PCDHGA10: variants seen among roughly 807,000 people sequenced by gnomAD.
The protein encoded by PCDHGA10 is protocadherin gamma-A10.
A neutral mutation model predicts 59.5 loss-of-function variants in PCDHGA10; 42 were observed. The ratio of observed to expected loss-of-function variants is 0.71; its 90% CI spans 0.55 to 0.91. The LOEUF (loss-of-function observed/expected upper bound fraction) is 0.91. Among genes scored for constraint, PCDHGA10 ranks in the 40% least tolerant of loss-of-function variants. The probability of loss-of-function intolerance (pLI) is 0.00; values close to 1 mark genes in which losing one functional copy is unlikely to be tolerated. For missense variants in PCDHGA10, 1,111 were observed against 1,198.2 expected, an observed-to-expected ratio of 0.93 and a Z score of 1.07; for synonymous variants, 511 against 517.2, an observed-to-expected ratio of 0.99 and a Z score of 0.16.
chr5:141,487,783 G>T lies in PCDHGA10; in HGVS notation c.2437-7024G>T. The T allele has an allele frequency of 6.6e-7, 1 of 1,522,846 alleles. No homozygotes were observed. The allele number at this position is 1,522,846 out of a possible 1,614,324, so 94.3% of individuals were successfully genotyped here. ...ACGCTGTGCTTTGTAACTGTTTCGT[G>T]AATTAACCAGAGTTGTCACAGTTTA... is the stretch of plus-strand genomic sequence containing the variant. On this transcript the variant is annotated intron_variant, in intron 1 of 3. Transcript: ENST00000398610. The surrounding 1 kb of genome is among the most constrained non-coding windows in gnomAD (Gnocchi z 5.0).
At chr5:141,419,051 T>A (rs1007349455) in intron 1 of PCDHGA10, 6 of 1,613,950 alleles carry the variant, frequency 3.7e-6, no homozygotes, top group East Asian at 2.2e-5. Context: ...TCATTCTTCT[T>A]CTAATAATTA....
At chr5:141,503,675 T>C (rs1233495836) in intron 2 of PCDHGA10, among the ~76,000 whole-genome samples, 1 of 152,104 alleles carries the variant, frequency 6.6e-6, no homozygotes. Flanking sequence ...CTTCCCACTT[T>C]TGGGAAGGAG....
In PCDHGA10 at chr5:141,487,218, C is replaced by T; in HGVS notation, c.2437-7589C>T. The T allele has an allele frequency of 6.2e-7, 1 of 1,613,938 alleles. No individual in the cohort carries two copies. The highest frequency in any genetic ancestry group is 1.3e-5 in the African/African-American group (1 of 75,024). On this transcript the variant is annotated intron_variant, in intron 1 of 3. Coordinates refer to ENST00000398610, the MANE Select transcript of PCDHGA10 (RefSeq NM_018913.3). The surrounding 1 kb of genome is among the most constrained non-coding windows in gnomAD (Gnocchi z 5.0). ...CCAGATCTTCGAGAATCTTCAGCTCCAAGGGAAGGAGAATCTCGTCTAACC... is the reference window on the plus strand; with the variant it reads ...CCAGATCTTCGAGAATCTTCAGCTCTAAGGGAAGGAGAATCTCGTCTAACC...
At position 141,511,373 on chromosome 5, in the gene PCDHGA10, G is replaced by C. The variant is rs1361376059; in HGVS notation, c.*200G>C. 16 of 1,251,214 alleles carry C rather than the reference G, an allele frequency of 1.3e-5. No homozygotes were observed. Among genetic ancestry groups the C allele is most frequent in the Non-Finnish European group, 1.4e-5 (13 of 925,282 alleles). The allele number at this position is 1,251,214 out of a possible 1,614,324, so 77.5% of individuals were successfully genotyped here. A position where few individuals can be genotyped will look rare whatever the true frequency, so the allele number is the denominator to read the frequency against. ...CCCCCAGGGGGTTGAATATGCAAAAGCAGTTCCGCTGGGAACCCCCATCCA... is the reference window on the plus strand; with the variant it reads ...CCCCCAGGGGGTTGAATATGCAAAACCAGTTCCGCTGGGAACCCCCATCCA... On this transcript the variant is annotated 3_prime_UTR_variant, in exon 4 of 4. Transcript: ENST00000398610.
chr5:141,415,651 A>C, intron 1 of PCDHGA10, 40 bp downstream of exon 1: 1 of 1,595,106 alleles, frequency 6.3e-7, no homozygotes. Context: ...TAAAAAAAAA[A>C]AGATTGGTTT....
chr5:141,451,001 A>G (rs909477017), intron 1 of PCDHGA10, among the ~76,000 whole-genome samples: 1 of 148,266 alleles, frequency 6.7e-6, no homozygotes, highest in African/African-American at 2.5e-5. Context: ...ATTTTTTTGT[A>G]TTTTTTTTAG....
rs1000330093 is a variant in PCDHGA10 at position 141,511,812 on chromosome 5, C to T, written c.*639C>T. 2.5e-5 allele frequency: 4 copies of T among 157,260 alleles called. No individual in the cohort carries two copies. Among genetic ancestry groups the T allele is most frequent in the African/African-American group, 9.6e-5 (4 of 41,492 alleles). The allele number at this position is 157,260 out of a possible 1,614,324, so 9.7% of individuals were successfully genotyped here. The stretch of plus-strand genomic sequence containing the variant: ...TAGGGAGGGCATTTTGCTACCAAGC[C>T]TCTTCCCAACGCCCTGGGGACCAGT... On this transcript the variant is annotated 3_prime_UTR_variant, in exon 4 of 4. Transcript: ENST00000398610.
chr5:141,432,133 C>G lies in PCDHGA10; in HGVS notation c.2436+16522C>G. ...CGGTCTTCCCTCAGGCCTCCTATTC[C>G]GCTTATATCCCAGAGAACAATCCCA... On this transcript the variant is annotated intron_variant, in intron 1 of 3. Transcript: ENST00000398610. The surrounding 1 kb of genome is among the most constrained non-coding windows in gnomAD (Gnocchi z 6.0). 1 of 1,614,142 alleles carries G rather than the reference C, an allele frequency of 6.2e-7. No homozygotes were observed. The highest frequency in any genetic ancestry group is 1.1e-5 in the South Asian group (1 of 91,070).
chr5:141,478,382 C>A (rs1287807889), intron 1 of PCDHGA10: 2 of 1,613,552 alleles, frequency 1.2e-6, no homozygotes, highest in South Asian at 2.2e-5. Flanking sequence ...GTCGCCGCAC[C>A]TTTACCATCA....
rs866878519 is a variant in PCDHGA10, at chr5:141,486,035, C to A, written c.2437-8772C>A. ...TTATTTCAGTGGTCATACCCCTGAT[C>A]GTGTAAGAAACCTCTTTAGCCTGCA... is the stretch of plus-strand genomic sequence containing the variant. On this transcript the variant is annotated intron_variant, in intron 1 of 3. Coordinates refer to ENST00000398610, the MANE Select transcript of PCDHGA10 (RefSeq NM_018913.3). This position sits in a 1 kb window ranked among gnomAD's most constrained non-coding sequence, Gnocchi z 5.0. The A allele has an allele frequency of 1.9e-6, 3 of 1,614,100 alleles. No homozygotes were observed. The East Asian group carries it at 6.7e-5, about 36-fold the overall frequency.
intron 1 of PCDHGA10, among the ~76,000 whole-genome samples, chr5:141,434,225 G>A (rs1591320318): frequency 6.6e-6 from 1 of 152,146 alleles, no homozygotes; most frequent in African/African-American, 2.4e-5. Flanking sequence ...AACAAAGTAC[G>A]ATTTCTGGAC....
chr5:141,413,385 A>C lies in PCDHGA10; in HGVS notation c.210A>C (p.Ile70=). 1 of 1,613,990 alleles carries C rather than the reference A, an allele frequency of 6.2e-7. No homozygotes were observed. The highest frequency in any genetic ancestry group is 1.1e-5 in the South Asian group (1 of 91,090). The change falls in exon 1 of 4, where the codon ATA becomes ATC. Residue 70 remains isoleucine (I), a synonymous_variant. Coordinates refer to ENST00000398610, the MANE Select transcript of PCDHGA10 (RefSeq NM_018913.3). ...PRELAERGVR[I]VSRGRTQLFS... ...AGCTGGCGGAGCGCGGAGTCCGCAT[A>C]GTCTCCAGAGGTAGGACGCAGCTTT...
At chr5:141,467,055 CTT>C (rs1193465269) in intron 1 of PCDHGA10, among the ~76,000 whole-genome samples, 47 of 134,388 alleles carry the variant, frequency 3.5e-4, no homozygotes, top group Admixed American at 6.0e-4. Context: ...TCAATGTTTT[CTT>C]TTTTTTTTTT....
chr5:141,430,804 G>T, intron 1 of PCDHGA10: 2 of 1,525,868 alleles, frequency 1.3e-6, no homozygotes, highest in Non-Finnish European at 1.8e-6. Context: ...GGCTTGTCCT[G>T]CTGGGAATCC....
intron 1 of PCDHGA10, chr5:141,416,273 T>C (rs891505781): frequency 8.5e-5 from 13 of 152,298 alleles, no homozygotes; most frequent in African/African-American, 3.1e-4. Flanking sequence ...CCTTTTTGCA[T>C]ACAATTCTCT....
intron 1 of PCDHGA10, among the ~76,000 whole-genome samples, chr5:141,424,964 A>G (rs62378457): frequency 0.11 from 16,148 of 152,126 alleles, 960 homozygotes; most frequent in African/African-American, 0.17. Flanking sequence ...ATTTGCCCCA[A>G]ATTACTTGGA....
In PCDHGA10 at chr5:141,414,861, T is replaced by C; in HGVS notation, c.1686T>C (p.Asn562=). ...LSLFVLDQND[N]APEILYPALP... ...TGTTTGTGCTGGACCAGAACGACAA[T>C]GCGCCCGAGATCCTGTACCCCGCCC... Residue 562 remains asparagine, a synonymous_variant, in exon 1 of 4, where the codon AAT becomes AAC. Transcript: ENST00000398610. 1 of 1,614,118 alleles carries C rather than the reference T, an allele frequency of 6.2e-7. No individual in the cohort carries two copies. The highest frequency in any genetic ancestry group is 1.7e-5 in the Admixed American group (1 of 60,020).
At chr5:141,444,626 A>G (rs542390437) in intron 1 of PCDHGA10, among the ~76,000 whole-genome samples, 74 of 152,288 alleles carry the variant, frequency 4.9e-4, no homozygotes, top group African/African-American at 1.7e-3. Flanking sequence ...GGCATGATGC[A>G]CCAGTTCATT....
Position 141,487,165 on chromosome 5 carries a change from C to T in PCDHGA10, c.2437-7642C>T, listed in dbSNP as rs1014219030. The T allele has an allele frequency of 1.9e-6, 3 of 1,612,932 alleles. No homozygotes were observed. The highest frequency in any genetic ancestry group is 2.5e-6 in the Non-Finnish European group (3 of 1,178,918). On this transcript the variant is annotated intron_variant, in intron 1 of 3. Coordinates refer to ENST00000398610, the MANE Select transcript of PCDHGA10 (RefSeq NM_018913.3). The surrounding 1 kb of genome is among the most constrained non-coding windows in gnomAD (Gnocchi z 5.0). ...CTACCTCTGTTACTCTCTTAGTGTC[C>T]TTAGAGGAAGACACTCATCCAGTTG...
Sources: allele counts gnomAD v4.1 joint callset (sites outside exome capture counted in the v4.1 genomes callset), GRCh38; gene constraint gnomAD v4.1.1; non-coding constraint Gnocchi (gnomAD v3.1); transcripts MANE v1.5; gene names NCBI Gene and HGNC (gene_info 2026-07-23, HGNC 2026-07-21).